Variants in PSME2 observed in about 807,000 individuals in gnomAD.
The protein encoded by PSME2 is proteasome activator subunit 2.
In PSME2, 20 loss-of-function variants were observed where a neutral mutation model predicts 38.8. The observed-to-expected ratio is 0.52, with a 90% confidence interval of 0.36 to 0.75. The LOEUF (loss-of-function observed/expected upper bound fraction) is 0.75, where lower values mean the gene tolerates loss of function less well. PSME2 is among the 30% of genes least tolerant of loss of function. The pLI, the probability that PSME2 is intolerant of heterozygous loss-of-function variation, is 0.00. For synonymous variants in PSME2, 82 were observed against 102.5 expected (o/e 0.80, Z 1.21); for missense variants, 227 against 287.6 (o/e 0.79, Z 1.52).
intron 6 of PSME2, 112 bp from the exon 7 acceptor site, chr14:24,144,580 G>T: frequency 1.0e-6 from 1 of 975,156 alleles, no homozygotes; most frequent in Admixed American, 1.9e-5. Context: ...TACATACCAG[G>T]TACTGTGCCA....
In PSME2 at chr14:24,145,085, G is replaced by C; in HGVS notation, c.333C>G (p.Val111=). The change falls in exon 6 of 11, where the codon GTC becomes GTG. Residue 111 remains valine, a synonymous_variant. Transcript: ENST00000216802. The part of the protein sequence containing the change: ...LSLLALVKPE[V]WTLKEKCILV... ...GAATGCATTTCTCTTTGAGAGTCCA[G>C]ACTTCTGGCTTAACCAGGGCAAGCA... 2 of 1,613,636 alleles carry C rather than the reference G, an allele frequency of 1.2e-6. No homozygotes were observed. The highest frequency in any genetic ancestry group is 1.7e-6 in the Non-Finnish European group (2 of 1,179,646).
At chr14:24,145,309 G>A (rs374198999) in intron 4 of PSME2, 36 bp from the exon 5 acceptor site, 10 of 1,613,664 alleles carry the variant, frequency 6.2e-6, no homozygotes, top group Admixed American at 1.7e-5. Flanking sequence ...CTTTAGAAAA[G>A]TCACAGAGGT....
At chr14:24,144,886 T>A (rs2038126156) in intron 6 of PSME2, 172 bp downstream of exon 6, 1 of 697,934 alleles carries the variant, frequency 1.4e-6, no homozygotes, top group South Asian at 1.8e-5. Context: ...ACCGTTGTGA[T>A]AAGAGAGGTC....
chr14:24,143,762 A>G lies in PSME2; in HGVS notation c.553-91T>C. 7.1e-7 allele frequency: 1 copy of G among 1,401,194 alleles called. No individual in the cohort carries two copies. The highest frequency in any genetic ancestry group is 1.0e-6 in the Non-Finnish European group (1 of 994,020). 86.8% of individuals were successfully genotyped at this position (1,401,194 alleles called of 1,614,324 possible). ...TTATAGGAAATAGGTTAACTTGAGAATGAACCCCTTCTTAGCACCAAGAAA... is the reference window on the plus strand; with the variant it reads ...TTATAGGAAATAGGTTAACTTGAGAGTGAACCCCTTCTTAGCACCAAGAAA... On this transcript the variant is annotated intron_variant, in intron 9 of 10. Transcript: ENST00000216802. This position sits in a 1 kb window ranked among gnomAD's most constrained non-coding sequence, Gnocchi z 4.4.
rs575002737 is a variant in PSME2, at chr14:24,143,548, C to A, written c.639+37G>T. The A allele has an allele frequency of 9.9e-6, 16 of 1,613,120 alleles. No individual in the cohort carries two copies. The African/African-American group carries it at 2.0e-4, about 20-fold the overall frequency. ...TTAGCCAATCCCCTGCCTGCCCCCA[C>A]TCATCCACCTCCCCTAAAGCCTTAC... is the stretch of plus-strand genomic sequence containing the variant. On this transcript the variant is annotated intron_variant, in intron 10 of 10. Coordinates refer to ENST00000216802, the MANE Select transcript of PSME2 (RefSeq NM_002818.3). The surrounding 1 kb of genome is among the most constrained non-coding windows in gnomAD (Gnocchi z 4.4).
intron 6 of PSME2, 127 bp downstream of exon 6, chr14:24,144,931 C>A (rs1324129255): frequency 2.1e-6 from 2 of 943,946 alleles, no homozygotes; most frequent in Non-Finnish European, 3.3e-6. Context: ...GATCTAAGCC[C>A]AAGGCACAGA....
Position 24,143,404 on chromosome 14 carries a change from C to T in PSME2, c.*5G>A, listed in dbSNP as rs372970511. 219 of 1,608,820 alleles carry T rather than the reference C, an allele frequency of 1.4e-4. No homozygotes were observed. In the African/African-American group the frequency reaches 2.4e-3, roughly 18 times the overall value. On this transcript the variant is annotated 3_prime_UTR_variant, in exon 11 of 11. Coordinates refer to ENST00000216802, the MANE Select transcript of PSME2 (RefSeq NM_002818.3). The surrounding 1 kb of genome is among the most constrained non-coding windows in gnomAD (Gnocchi z 4.4). Reference sequence around the variant, plus strand: ...AGATCATTTATTTTCCTTCTAGTCCCGGGTTCAGTACATAGATGGCTTTTC... The same window carrying T: ...AGATCATTTATTTTCCTTCTAGTCCTGGGTTCAGTACATAGATGGCTTTTC...
In PSME2 at chr14:24,143,724, G is replaced by A. The variant is rs187644079; in HGVS notation, c.553-53C>T. 8.9e-6 allele frequency: 14 copies of A among 1,567,486 alleles called. No individual in the cohort carries two copies. In the African/African-American group the frequency reaches 1.6e-4, roughly 18 times the overall value. ...AGTCCCATGGGAGGCTGGGACATGA[G>A]TCTGGTTTCCTTTTATAGGAAATAG... On this transcript the variant is annotated intron_variant, in intron 9 of 10. Coordinates refer to ENST00000216802, the MANE Select transcript of PSME2 (RefSeq NM_002818.3). The surrounding 1 kb of genome is among the most constrained non-coding windows in gnomAD (Gnocchi z 4.4).
At chr14:24,145,492 G>A (rs1326213934) in intron 3 of PSME2, 27 bp from the exon 4 acceptor site, 3 of 1,537,304 alleles carry the variant, frequency 2.0e-6, no homozygotes, top group Non-Finnish European at 2.6e-6. Flanking sequence ...GTCAAGGGCT[G>A]CCCAACCTCT....
At chr14:24,146,321 C>CT in intron 1 of PSME2, 81 bp from the exon 2 acceptor site, 1 of 1,557,568 alleles carries the variant, frequency 6.4e-7, no homozygotes, top group Non-Finnish European at 8.9e-7. Flanking sequence ...TGCCCTCGAA[C>CT]TGTGGCTCAG....
chr14:24,144,459 A>T lies in PSME2; in HGVS notation c.370T>A (p.Trp124Arg), dbSNP rs1241407357. The change falls in exon 7 of 11, where the codon TGG becomes AGG. Residue 124 changes from tryptophan (W) to arginine (R), a missense_variant. By Grantham distance (101) the Trp-to-Arg change is moderately radical. Coordinates refer to ENST00000216802, the MANE Select transcript of PSME2 (RefSeq NM_002818.3). ...LKEKCILVIT[W>R]IQHLIPKIED... ...ATCTTGGGGATCAGGTGTTGGATCC[A>T]TGTAATCACCTGTGTTAAGAGGTAT... 1.5e-5 allele frequency: 24 copies of T among 1,611,880 alleles called. No homozygotes were observed. The highest frequency in any genetic ancestry group is 2.0e-5 in the Non-Finnish European group (24 of 1,178,030).
chr14:24,146,072 G>C, intron 2 of PSME2, 136 bp downstream of exon 2: 12 of 1,084,118 alleles, frequency 1.1e-5, no homozygotes, highest in Non-Finnish European at 1.7e-5. Flanking sequence ...ATAATTCCGG[G>C]GTTACTTTGG....
rs1209208941 is a variant in PSME2, at chr14:24,143,804, T to G, written c.553-133A>C. On this transcript the variant is annotated intron_variant, in intron 9 of 10. Transcript: ENST00000216802. The surrounding 1 kb of genome is among the most constrained non-coding windows in gnomAD (Gnocchi z 4.4). ...ACCAAGAAATAGGATCCCAAAGGAC[T>G]GAGCAGAGAAAAGGGTCAAGGTTGT... 1 of 1,276,202 alleles carries G rather than the reference T, an allele frequency of 7.8e-7. No homozygotes were observed. Among genetic ancestry groups the G allele is most frequent in the Admixed American group, 1.8e-5 (1 of 54,826 alleles). 79.1% of individuals were successfully genotyped at this position (1,276,202 alleles called of 1,614,324 possible).
chr14:24,146,448 G>A (rs2038157944), intron 1 of PSME2, 86 bp downstream of exon 1: 10 of 1,559,902 alleles, frequency 6.4e-6, no homozygotes, highest in Non-Finnish European at 8.8e-6. Flanking sequence ...GAGTTCTCTG[G>A]CACTGCTTGG....
intron 2 of PSME2, chr14:24,145,979 T>C: frequency 2.5e-6 from 2 of 815,830 alleles, no homozygotes; most frequent in Non-Finnish European, 4.1e-6. Flanking sequence ...GAAGCCATGG[T>C]TTTTTTCCTC....
rs766371920 is a variant in PSME2, at chr14:24,144,162, C to T, written c.497+30G>A. 7 of 1,613,898 alleles carry T rather than the reference C, an allele frequency of 4.3e-6. No homozygotes were observed. In the South Asian group the frequency reaches 6.6e-5, roughly 15 times the overall value. ...GGTCCCAAAGAAATGCTCCTACTGC[C>T]CCCAATGCTGGTCCTCCAGCTGCCC... On this transcript the variant is annotated intron_variant, in intron 8 of 10. Coordinates refer to ENST00000216802, the MANE Select transcript of PSME2 (RefSeq NM_002818.3).
chr14:24,144,067 CAGGG>C (rs746665960), intron 8 of PSME2, 38 bp from the exon 9 acceptor site: 62 of 1,611,702 alleles, frequency 3.8e-5, no homozygotes, highest in Non-Finnish European at 4.8e-5. Context: ...AATGAGTGTT[CAGGG>C]AGATGTACTC....
chr14:24,143,374 C>T lies in PSME2; in HGVS notation c.*35G>A. ...ACACGCCAGAAGGGAATCCACACAA[C>T]ATATAGATCATTTATTTTCCTTCTA... On this transcript the variant is annotated 3_prime_UTR_variant, in exon 11 of 11. Coordinates refer to ENST00000216802, the MANE Select transcript of PSME2 (RefSeq NM_002818.3). This position sits in a 1 kb window ranked among gnomAD's most constrained non-coding sequence, Gnocchi z 4.4. 1 of 1,577,840 alleles carries T rather than the reference C, an allele frequency of 6.3e-7. No homozygotes were observed. The highest frequency in any genetic ancestry group is 8.7e-7 in the Non-Finnish European group (1 of 1,147,272).
chr14:24,146,212 T>C lies in PSME2; in HGVS notation c.77A>G (p.Gln26Arg), dbSNP rs1009743112. The change falls in exon 2 of 11, where the codon CAG becomes CGG. Residue 26 changes from glutamine to arginine, a missense_variant. Coordinates refer to ENST00000216802, the MANE Select transcript of PSME2 (RefSeq NM_002818.3). Reference sequence around the variant, plus strand: ...CGCTCAAATCCAGAGACTTACCTCCTGGAAAAGATTCTGTCTGAAGACCTC... The same window carrying C: ...CGCTCAAATCCAGAGACTTACCTCCCGGAAAAGATTCTGTCTGAAGACCTC... ...QVEVFRQNLF[Q>R]EAEEFLYRFL... The C allele has an allele frequency of 3.7e-6, 6 of 1,613,318 alleles. No individual in the cohort carries two copies. Among genetic ancestry groups the C allele is most frequent in the East Asian group, 2.2e-5 (1 of 44,870 alleles).
Sources: allele counts gnomAD v4.1 joint callset, GRCh38; gene constraint gnomAD v4.1.1; non-coding constraint Gnocchi (gnomAD v3.1); transcripts MANE v1.5; gene names NCBI Gene and HGNC (gene_info 2026-07-23, HGNC 2026-07-21).